MED27: variants seen among roughly 807,000 people sequenced by gnomAD.
The protein encoded by MED27 is mediator of RNA polymerase II transcription subunit 27.
MED27 carries 30 observed loss-of-function variants against 38.2 expected under a neutral mutation model. The ratio of observed to expected loss-of-function variants is 0.79; its 90% confidence interval spans 0.59 to 1.07. The LOEUF is 1.07. Ranked by LOEUF, MED27 falls within the 50% of genes least tolerant of loss-of-function variation. The pLI, the probability that MED27 is intolerant of heterozygous loss-of-function variation, is 0.00. For synonymous variants in MED27, 122 were observed against 153.5 expected (o/e 0.79, Z 1.52); for missense variants, 289 against 397.5 (o/e 0.73, Z 2.32).
intron 3 of MED27, among the ~76,000 whole-genome samples, chr9:131,970,203 G>A (rs1260581238): frequency 6.6e-6 from 1 of 152,234 alleles, no homozygotes; most frequent in African/African-American, 2.4e-5. Context: ...ACCACCCAGC[G>A]AACCTCCACT....
At chr9:131,964,320 G>GTAGTGAAGGTGA (rs1554761281) in intron 3 of MED27, among the ~76,000 whole-genome samples, 2 of 123,784 alleles carry the variant, frequency 1.6e-5, no homozygotes, top group Non-Finnish European at 3.5e-5. Context: ...GCTGGTGCTG[G>GTAGTGAAGGTGA]TGGTGGAGGT....
intron 2 of MED27, among the ~76,000 whole-genome samples, chr9:132,065,910 G>A (rs150326651): frequency 1.3e-5 from 2 of 152,326 alleles, no homozygotes; most frequent in Non-Finnish European, 2.9e-5. Context: ...GCCAAATACT[G>A]TTGGTCCCCG....
intron 6 of MED27, among the ~76,000 whole-genome samples, chr9:131,868,369 C>T (rs879784152): frequency 2.0e-5 from 3 of 152,232 alleles, no homozygotes; most frequent in Non-Finnish European, 4.4e-5. Context: ...GCCTTGACCT[C>T]CTGGACTCAA....
intron 4 of MED27, among the ~76,000 whole-genome samples, chr9:131,907,866 C>T (rs1308541006): frequency 6.8e-5 from 10 of 147,250 alleles, no homozygotes; most frequent in East Asian, 6.2e-4. Flanking sequence ...GCCTCTGCCC[C>T]GCCGCCCCGT....
intron 4 of MED27, among the ~76,000 whole-genome samples, chr9:131,908,291 G>A (rs374054773): frequency 1.4e-5 from 2 of 145,332 alleles, no homozygotes; most frequent in Non-Finnish European, 3.1e-5. Context: ...CGCCCCGTCC[G>A]GGAGGTGAGG....
intron 6 of MED27, among the ~76,000 whole-genome samples, chr9:131,865,123 C>A (rs564200134): frequency 1.7e-4 from 26 of 152,326 alleles, no homozygotes; most frequent in African/African-American, 4.3e-4. Context: ...TAAACACCTG[C>A]GCTTTCTTGC....
At chr9:131,887,965 C>T (rs1839168233) in intron 5 of MED27, among the ~76,000 whole-genome samples, 1 of 152,162 alleles carries the variant, frequency 6.6e-6, no homozygotes, top group Non-Finnish European at 1.5e-5. Flanking sequence ...CCAATTGCTT[C>T]AGCACAGACA....
chr9:131,876,623 C>G (rs1244608966), intron 6 of MED27, among the ~76,000 whole-genome samples: 1 of 152,112 alleles, frequency 6.6e-6, no homozygotes, highest in Non-Finnish European at 1.5e-5. Context: ...CTCTCAGCTC[C>G]CAGAGCCCCG....
chr9:132,066,740 C>G (rs980581164), intron 2 of MED27, among the ~76,000 whole-genome samples: 1 of 152,242 alleles, frequency 6.6e-6, no homozygotes, highest in Non-Finnish European at 1.5e-5. Context: ...GGAGGCAAAA[C>G]AGATGCCCCA....
At chr9:131,951,671 A>G (rs183662505) in intron 3 of MED27, among the ~76,000 whole-genome samples, 11 of 152,394 alleles carry the variant, frequency 7.2e-5, no homozygotes, top group Non-Finnish European at 1.3e-4. Context: ...AGGAGTGAAC[A>G]CAGCACATAA....
intron 3 of MED27, among the ~76,000 whole-genome samples, chr9:131,979,443 G>A (rs1427418452): frequency 7.1e-6 from 1 of 140,422 alleles, no homozygotes; most frequent in African/African-American, 2.7e-5. Context: ...TTCTAACTAA[G>A]TCACACTACT....
At chr9:132,069,027 G>A (rs1942067441) in intron 2 of MED27, among the ~76,000 whole-genome samples, 1 of 152,196 alleles carries the variant, frequency 6.6e-6, no homozygotes, top group Non-Finnish European at 1.5e-5. Context: ...GTGCAATTTT[G>A]CATAAGGACA....
intron 2 of MED27, among the ~76,000 whole-genome samples, chr9:132,015,552 A>G (rs1356918404): frequency 6.6e-6 from 1 of 152,238 alleles, no homozygotes; most frequent in Non-Finnish European, 1.5e-5. Flanking sequence ...ATATACCTGT[A>G]TAACTACCAC....
intron 2 of MED27, among the ~76,000 whole-genome samples, chr9:132,076,653 G>T (rs928036391): frequency 5.3e-5 from 8 of 152,110 alleles, no homozygotes; most frequent in African/African-American, 1.9e-4. Context: ...AGGCAGCACA[G>T]TATAATAAAA....
intron 4 of MED27, among the ~76,000 whole-genome samples, chr9:131,911,650 G>A (rs1830190590): frequency 6.6e-6 from 1 of 152,212 alleles, no homozygotes; most frequent in East Asian, 1.9e-4. Flanking sequence ...AGGTGTGAAA[G>A]ATTATATACA....
intron 2 of MED27, among the ~76,000 whole-genome samples, chr9:132,045,635 A>T (rs764097675): frequency 6.6e-6 from 1 of 152,238 alleles, no homozygotes; most frequent in Non-Finnish European, 1.5e-5. Context: ...AACAGATATA[A>T]TTCCAAAGGA....
At chr9:131,959,742 C>T (rs1276032217) in intron 3 of MED27, among the ~76,000 whole-genome samples, 3 of 152,188 alleles carry the variant, frequency 2.0e-5, no homozygotes, top group Non-Finnish European at 4.4e-5. Context: ...TCAGAATACC[C>T]TATTTCTTAA....
intron 4 of MED27, among the ~76,000 whole-genome samples, chr9:131,920,108 GC>G (rs1197678675): frequency 6.6e-6 from 1 of 152,070 alleles, no homozygotes; most frequent in Admixed American, 6.5e-5. Context: ...ATCACACCTG[GC>G]CTTAATGCAT....
At chr9:132,044,502 C>A (rs1833288980) in intron 2 of MED27, among the ~76,000 whole-genome samples, 2 of 152,216 alleles carry the variant, frequency 1.3e-5, no homozygotes, top group Admixed American at 1.3e-4. Context: ...TCCTAAGGGG[C>A]AACACGAACA....
Sources: gnomAD v4.1 joint callset for allele counts (sites outside exome capture counted in the v4.1 genomes callset) on GRCh38, gnomAD v4.1.1 for gene constraint, MANE v1.5 for transcripts, NCBI Gene and HGNC (gene_info 2026-07-23, HGNC 2026-07-21) for gene names.